GPHN: variants seen among roughly 807,000 people sequenced by gnomAD.
GPHN encodes the protein gephyrin.
In GPHN, 17 loss-of-function variants were observed where a neutral mutation model predicts 95.5. The observed-to-expected ratio is 0.18, with a 90% CI of 0.12 to 0.27. The LOEUF is 0.27. Among genes scored for constraint, GPHN ranks in the 10% least tolerant of loss-of-function variants. GPHN has a pLI of 1.00. For missense variants in GPHN, 660 were observed against 978.1 expected (o/e 0.67, Z 4.34); for synonymous variants, 320 against 322.5 (o/e 0.99, Z 0.08).
chr14:66,894,661 G>C (rs1196200840), intron 5 of GPHN, among the ~76,000 whole-genome samples: 2 of 151,924 alleles, frequency 1.3e-5, no homozygotes, highest in Non-Finnish European at 2.9e-5. Flanking sequence ...AAACAAATTT[G>C]CAAGAAAAAA....
At chr14:67,383,525 T>A in the GPHN span, 1 of 1,555,392 alleles carries the variant, frequency 6.4e-7, no homozygotes, top group Non-Finnish European at 8.8e-7. Flanking sequence ...TTTCCAGTAT[T>A]GAAAACTTCA....
chr14:66,531,248 A>G (rs912201722), intron 1 of GPHN, among the ~76,000 whole-genome samples: 1 of 152,088 alleles, frequency 6.6e-6, no homozygotes, highest in Admixed American at 6.5e-5. Flanking sequence ...GCTTGGCCAA[A>G]TTTAGGTTTA....
chr14:67,174,136 A>G (rs996678390), intron 21 of GPHN, among the ~76,000 whole-genome samples: 5 of 152,234 alleles, frequency 3.3e-5, no homozygotes, highest in Non-Finnish European at 5.9e-5. Context: ...GGTTTGTTAC[A>G]TAGGTATACA....
At chr14:67,127,254 A>AAT (rs569218484) in intron 17 of GPHN, among the ~76,000 whole-genome samples, 1 of 75,018 alleles carries the variant, frequency 1.3e-5, no homozygotes. Context: ...AAAGTATAAT[A>AAT]AAAAAAAAAA....
chr14:67,364,654 T>A, the GPHN span: 1 of 1,088,756 alleles, frequency 9.2e-7, no homozygotes, highest in Non-Finnish European at 1.3e-6. Flanking sequence ...AGACTAAGAC[T>A]AATAACTATT....
At chr14:66,575,090 G>T (rs1268483723) in intron 1 of GPHN, among the ~76,000 whole-genome samples, 1 of 152,142 alleles carries the variant, frequency 6.6e-6, no homozygotes, top group Non-Finnish European at 1.5e-5. Context: ...TCTCTGTAGA[G>T]AACCTTGACT....
chr14:66,890,376 G>A (rs538379615), intron 5 of GPHN, among the ~76,000 whole-genome samples: 19 of 140,660 alleles, frequency 1.4e-4, no homozygotes, highest in South Asian at 4.4e-4. Context: ...TGCGCACTGC[G>A]CTCCAGCCTG....
intron 9 of GPHN, among the ~76,000 whole-genome samples, chr14:66,978,288 C>T (rs927384562): frequency 3.3e-5 from 5 of 152,260 alleles, no homozygotes; most frequent in Non-Finnish European, 5.9e-5. Context: ...GATCGATTGA[C>T]CCTTCCTTTC....
chr14:66,998,316 C>T (rs1052869231), intron 9 of GPHN, among the ~76,000 whole-genome samples: 1 of 152,072 alleles, frequency 6.6e-6, no homozygotes, highest in Non-Finnish European at 1.5e-5. Context: ...TGCCACATCT[C>T]TGTGGTCTCC....
intron 2 of GPHN, among the ~76,000 whole-genome samples, chr14:66,743,648 G>A (rs2072996016): frequency 6.6e-6 from 1 of 152,104 alleles, no homozygotes; most frequent in South Asian, 2.1e-4. Context: ...AGGCTGAGGC[G>A]GGAGAATGGC....
intron 15 of GPHN, among the ~76,000 whole-genome samples, chr14:67,112,282 A>G (rs1481011540): frequency 6.6e-6 from 1 of 152,226 alleles, no homozygotes; most frequent in Admixed American, 6.5e-5. Context: ...TACACAATTA[A>G]CTAATAGCAT....
At chr14:66,668,869 T>G in intron 1 of GPHN, among the ~76,000 whole-genome samples, 1 of 151,510 alleles carries the variant, frequency 6.6e-6, no homozygotes, top group African/African-American at 2.4e-5. Flanking sequence ...TTTCCCACTT[T>G]CCTGCTGTTT....
the GPHN span, chr14:67,347,434 A>G: frequency 6.2e-7 from 1 of 1,608,816 alleles, no homozygotes. Flanking sequence ...GGTAATGTTC[A>G]AATACTGGCA....
intron 2 of GPHN, among the ~76,000 whole-genome samples, chr14:66,739,022 T>A (rs1167674158): frequency 6.6e-6 from 1 of 152,090 alleles, no homozygotes; most frequent in Non-Finnish European, 1.5e-5. Flanking sequence ...TTGTCTACTC[T>A]GCTTACCCCC....
the GPHN span, among the ~76,000 whole-genome samples, chr14:67,404,107 T>A: frequency 6.6e-6 from 1 of 151,984 alleles, no homozygotes; most frequent in East Asian, 1.9e-4. Context: ...GTATTGACAC[T>A]TATAGGAACA....
chr14:66,674,371 A>G (rs560733992), intron 1 of GPHN, among the ~76,000 whole-genome samples: 5 of 152,146 alleles, frequency 3.3e-5, no homozygotes, highest in Admixed American at 3.3e-4. Context: ...GTGCTGGGTT[A>G]CAGGCATGAG....
At chr14:66,562,891 G>T (rs1318015268) in intron 1 of GPHN, among the ~76,000 whole-genome samples, 4 of 152,110 alleles carry the variant, frequency 2.6e-5, no homozygotes, top group Admixed American at 2.6e-4. Context: ...TTGTGTGTGT[G>T]TGTGCGCAAA....
the GPHN span, among the ~76,000 whole-genome samples, chr14:67,594,451 A>G: frequency 9.3e-3 from 1,418 of 152,156 alleles, 80 homozygotes; most frequent in East Asian, 0.12. Context: ...GATCGAGACC[A>G]TCCTGGCCAA....
the GPHN span, among the ~76,000 whole-genome samples, chr14:67,668,661 G>GA: frequency 0.45 from 68,486 of 152,078 alleles, 17,952 homozygotes; most frequent in Non-Finnish European, 0.61. Context: ...GAAACACAGT[G>GA]AAAAAAAGAC....
Sources: gnomAD v4.1 joint callset for allele counts (sites outside exome capture counted in the v4.1 genomes callset) on GRCh38, gnomAD v4.1.1 for gene constraint, MANE v1.5 for transcripts, NCBI Gene and HGNC (gene_info 2026-07-23, HGNC 2026-07-21) for gene names.